Variants in NEGR1 observed in about 807,000 individuals in gnomAD.
NEGR1 encodes IgLON family member 4.
NEGR1 carries 10 observed loss-of-function variants against 40.9 expected under a neutral mutation model. That is an observed-to-expected ratio of 0.24 (90% confidence interval 0.15 to 0.42). NEGR1 has a LOEUF of 0.42. Among genes scored for constraint, NEGR1 ranks in the 10% least tolerant of loss-of-function variants. The pLI is 1.00. For missense variants in NEGR1, 352 were observed against 438.9 expected (o/e 0.80, Z 1.77); for synonymous variants, 185 against 166.8 (o/e 1.11, Z -0.84).
chr1:71,554,452 G>A (rs945461586), intron 6 of NEGR1, among the ~76,000 whole-genome samples: 2 of 151,494 alleles, frequency 1.3e-5, no homozygotes, highest in South Asian at 2.1e-4. Context: ...TTCGGCCTGG[G>A]TGTATTTTTC....
At chr1:72,175,439 T>C (rs550970629) in intron 1 of NEGR1, among the ~76,000 whole-genome samples, 1 of 152,210 alleles carries the variant, frequency 6.6e-6, no homozygotes, top group Non-Finnish European at 1.5e-5. Flanking sequence ...TAGTGATAAA[T>C]TTAAGAGTCT....
chr1:71,820,847 G>A (rs1470241003), intron 2 of NEGR1, among the ~76,000 whole-genome samples: 3 of 151,914 alleles, frequency 2.0e-5, no homozygotes, highest in East Asian at 1.9e-4. Context: ...TAGATTTCAC[G>A]AATGTAGAGG....
intron 1 of NEGR1, among the ~76,000 whole-genome samples, chr1:72,055,130 AT>A (rs1006361991): frequency 6.6e-6 from 1 of 151,112 alleles, no homozygotes. Flanking sequence ...GTTTTTATGT[AT>A]TTTTTCAATA....
At chr1:71,932,185 A>T (rs997954323) in intron 2 of NEGR1, among the ~76,000 whole-genome samples, 6 of 152,136 alleles carry the variant, frequency 3.9e-5, no homozygotes, top group African/African-American at 1.4e-4. Flanking sequence ...ATTAGTTTGC[A>T]TGGTGTTCAA....
chr1:71,906,912 C>T (rs912561245), intron 2 of NEGR1, among the ~76,000 whole-genome samples: 3 of 152,072 alleles, frequency 2.0e-5, no homozygotes, highest in African/African-American at 7.2e-5. Context: ...AGGAAATCAG[C>T]TGAATTTAGG....
At chr1:71,630,257 T>C (rs1650927486) in intron 4 of NEGR1, among the ~76,000 whole-genome samples, 1 of 151,960 alleles carries the variant, frequency 6.6e-6, no homozygotes, top group African/African-American at 2.4e-5. Flanking sequence ...AAAGTTACTC[T>C]GTGTGTACTG....
intron 1 of NEGR1, among the ~76,000 whole-genome samples, chr1:72,177,562 C>T (rs1041521099): frequency 2.0e-5 from 3 of 151,982 alleles, no homozygotes; most frequent in Non-Finnish European, 2.9e-5. Context: ...TCTTCAACAA[C>T]ATATATCAAA....
At position 72,127,772 on chromosome 1, in the gene NEGR1, C is replaced by G. The variant is rs142323138; in HGVS notation, c.176+154547G>C. Among the ~76,000 whole-genome samples, 138 of 152,166 alleles carry G rather than the reference C, an allele frequency of 9.1e-4. 1 individual carries two copies. Among genetic ancestry groups the G allele is most frequent in the African/African-American group, 2.9e-3 (121 of 41,528 alleles). ...CATCACAATCAGATATAAATGGACT[C>G]ACAATGGTTCTAATTCTAAAAGGGG... On this transcript the variant is annotated intron_variant, in intron 1 of 6. Coordinates refer to ENST00000357731, the MANE Select transcript of NEGR1 (RefSeq NM_173808.3).
At chr1:72,079,125 A>G (rs1216289167) in intron 1 of NEGR1, among the ~76,000 whole-genome samples, 1 of 147,434 alleles carries the variant, frequency 6.8e-6, no homozygotes, top group Non-Finnish European at 1.5e-5. Context: ...TTATATACAT[A>G]ATCTCTCCAA....
chr1:72,117,290 C>T (rs1473473628), intron 1 of NEGR1, among the ~76,000 whole-genome samples: 2 of 150,968 alleles, frequency 1.3e-5, no homozygotes, highest in African/African-American at 4.9e-5. Flanking sequence ...GATGTTTATG[C>T]ATTTTTGTTT....
intron 1 of NEGR1, among the ~76,000 whole-genome samples, chr1:72,227,338 G>T (rs1654224175): frequency 6.6e-6 from 1 of 151,982 alleles, no homozygotes; most frequent in African/African-American, 2.4e-5. Flanking sequence ...GAGTCCTCTA[G>T]GGTGGGAAGT....
At chr1:71,932,163 C>G (rs1056810876) in intron 2 of NEGR1, among the ~76,000 whole-genome samples, 3 of 151,864 alleles carry the variant, frequency 2.0e-5, no homozygotes, top group African/African-American at 7.3e-5. Context: ...GTAACAGGAG[C>G]TATATGTAAA....
intron 6 of NEGR1, among the ~76,000 whole-genome samples, chr1:71,552,198 G>T (rs1049568598): frequency 7.9e-5 from 12 of 151,466 alleles, no homozygotes; most frequent in East Asian, 7.8e-4. Context: ...GTAATCACTT[G>T]TTCTGCCTTT....
At chr1:72,153,607 T>C (rs1420066654) in intron 1 of NEGR1, among the ~76,000 whole-genome samples, 1 of 151,928 alleles carries the variant, frequency 6.6e-6, no homozygotes, top group Non-Finnish European at 1.5e-5. Context: ...AGTTAAATAA[T>C]ATGTATCTAT....
At chr1:71,938,864 C>T (rs948245005) in intron 1 of NEGR1, among the ~76,000 whole-genome samples, 2 of 152,108 alleles carry the variant, frequency 1.3e-5, no homozygotes, top group African/African-American at 4.8e-5. Flanking sequence ...CTGAGAGTCT[C>T]TGGCTTCTGC....
At chr1:71,876,128 AT>A (rs1274711903) in intron 2 of NEGR1, among the ~76,000 whole-genome samples, 1 of 152,112 alleles carries the variant, frequency 6.6e-6, no homozygotes, top group East Asian at 1.9e-4. Flanking sequence ...GCAGTCTTAA[AT>A]TTTTTAACAT....
At chr1:71,979,402 C>T (rs1646335600) in intron 1 of NEGR1, among the ~76,000 whole-genome samples, 2 of 152,048 alleles carry the variant, frequency 1.3e-5, no homozygotes, top group African/African-American at 4.8e-5. Context: ...AAAAAAGAAA[C>T]TTTCGACAAC....
At chr1:71,843,224 G>A (rs1659303117) in intron 2 of NEGR1, among the ~76,000 whole-genome samples, 1 of 152,082 alleles carries the variant, frequency 6.6e-6, no homozygotes, top group Admixed American at 6.6e-5. Flanking sequence ...ATTTGTGGCA[G>A]GGGATGGAGA....
chr1:72,227,382 A>T (rs1654225277), intron 1 of NEGR1, among the ~76,000 whole-genome samples: 1 of 152,030 alleles, frequency 6.6e-6, no homozygotes, highest in Non-Finnish European at 1.5e-5. Flanking sequence ...GAGTAGGTGG[A>T]CTGAGACAAA....
Sources: allele counts gnomAD v4.1 joint callset (sites outside exome capture counted in the v4.1 genomes callset), GRCh38; gene constraint gnomAD v4.1.1; transcripts MANE v1.5; gene names NCBI Gene and HGNC (gene_info 2026-07-23, HGNC 2026-07-21).